The following UNC13C variants were observed in gnomAD, a reference collection of about 807,000 sequenced individuals.
UNC13C encodes the protein unc-13 homolog C.
In UNC13C, 174 loss-of-function variants were observed where a neutral mutation model predicts 245.4. The ratio of observed to expected loss-of-function variants is 0.71; its 90% CI spans 0.63 to 0.80. The LOEUF (loss-of-function observed/expected upper bound fraction) is 0.80, where lower values mean the gene tolerates loss of function less well. Ranked by LOEUF, UNC13C falls within the 30% of genes least tolerant of loss-of-function variation. The probability of loss-of-function intolerance (pLI) is 0.00; values close to 1 mark genes in which losing one functional copy is unlikely to be tolerated. For synonymous variants in UNC13C, 992 were observed against 895.1 expected (o/e 1.11, Z -1.93); for missense variants, 2,829 against 2,602.9 (o/e 1.09, Z -1.89).
intron 8 of UNC13C, among the ~76,000 whole-genome samples, chr15:54,260,757 G>A (rs574578902): frequency 9.4e-5 from 14 of 148,192 alleles, no homozygotes; most frequent in Non-Finnish European, 1.8e-4. Context: ...ATAAAGTTAC[G>A]TATATAACAA....
rs1057219083 is a variant in UNC13C at position 54,108,642 on chromosome 15, T to C, written c.2984-34376T>C. On this transcript the variant is annotated intron_variant, in intron 2 of 32. Transcript: ENST00000260323. ...TTTTATTTTTCCCATAGCACATAGA[T>C]TTACCTCCAGTGCTAGATAAGGACC... Among the ~76,000 whole-genome samples the C allele has an allele frequency of 5.0e-4, 76 of 152,300 alleles. 1 individual carries two copies. The highest frequency in any genetic ancestry group is 1.7e-3 in the African/African-American group (70 of 41,560).
chr15:54,238,605 C>T (rs1465879756), intron 7 of UNC13C, among the ~76,000 whole-genome samples: 3 of 152,194 alleles, frequency 2.0e-5, no homozygotes, highest in African/African-American at 4.8e-5. Context: ...ATAAGCAATA[C>T]ATACAAGCTT....
intron 19 of UNC13C, among the ~76,000 whole-genome samples, chr15:54,455,524 T>C (rs1183159923): frequency 2.0e-5 from 2 of 99,286 alleles, no homozygotes; most frequent in Non-Finnish European, 3.8e-5. Context: ...CAACATCTGC[T>C]TTTTTTTTTT....
At chr15:54,049,749 AAAG>A (rs1406929501) in intron 2 of UNC13C, 1 of 249,374 alleles carries the variant, frequency 4.0e-6, no homozygotes, top group Non-Finnish European at 8.1e-6. Flanking sequence ...ACGTAAGTGT[AAAG>A]TATGAAATAA....
intron 2 of UNC13C, among the ~76,000 whole-genome samples, chr15:54,032,609 C>A (rs1479518996): frequency 6.6e-6 from 1 of 152,140 alleles, no homozygotes; most frequent in African/African-American, 2.4e-5. Flanking sequence ...TCCAGGTTTT[C>A]TAGGCTGGAA....
At chr15:54,442,886 TG>T (rs1890608171) in intron 19 of UNC13C, among the ~76,000 whole-genome samples, 1 of 152,088 alleles carries the variant, frequency 6.6e-6, no homozygotes, top group African/African-American at 2.4e-5. Flanking sequence ...TTTTTGTTGT[TG>T]TGTCCTTTTC....
At chr15:53,902,054 T>C in the UNC13C span, among the ~76,000 whole-genome samples, 1 of 152,268 alleles carries the variant, frequency 6.6e-6, no homozygotes, top group East Asian at 1.9e-4. Context: ...CCTCTCCATA[T>C]ATCCTTTAAG....
intron 18 of UNC13C, among the ~76,000 whole-genome samples, chr15:54,398,390 G>A (rs1378437576): frequency 6.6e-6 from 1 of 151,078 alleles, no homozygotes; most frequent in South Asian, 2.1e-4. Flanking sequence ...GTGTTTATGA[G>A]GATATTGCTC....
the UNC13C span, chr15:53,911,631 G>A: frequency 1.3e-5 from 2 of 152,186 alleles, no homozygotes; most frequent in Non-Finnish European, 2.9e-5. Flanking sequence ...CTGTGCCAAC[G>A]GTTAACACAA....
the UNC13C span, among the ~76,000 whole-genome samples, chr15:53,940,236 G>A: frequency 6.6e-6 from 1 of 152,054 alleles, no homozygotes; most frequent in African/African-American, 2.4e-5. Flanking sequence ...ATACCAAGAA[G>A]TTTTTGGGGT....
Position 54,014,813 on chromosome 15 carries a change from C to T in UNC13C, c.1910C>T (p.Ser637Phe). The change falls in exon 2 of 33, where the codon TCT (serine) becomes TTT (phenylalanine). Residue 637 changes from serine (S) to phenylalanine (F), a missense_variant. Physicochemically the swap from Ser to Phe is radical, Grantham distance 155. Coordinates refer to ENST00000260323, the MANE Select transcript of UNC13C (RefSeq NM_001080534.3). ...SGMSNGMVCA[S>F]GDRSHYSDSQ... ...ATGAGTAATGGCATGGTGTGTGCAT[C>T]TGGAGACCGGAGTCATTACAGTGAT... The T allele has an allele frequency of 6.2e-7, 1 of 1,613,836 alleles. No individual in the cohort carries two copies. Among genetic ancestry groups the T allele is most frequent in the Non-Finnish European group, 8.5e-7 (1 of 1,179,824 alleles).
chr15:54,238,841 G>C (rs936172094), intron 7 of UNC13C, among the ~76,000 whole-genome samples: 1 of 152,152 alleles, frequency 6.6e-6, no homozygotes, highest in African/African-American at 2.4e-5. Context: ...TAATTATTTA[G>C]GTCAGGGATT....
intron 19 of UNC13C, among the ~76,000 whole-genome samples, chr15:54,461,301 A>G (rs773305415): frequency 4.6e-5 from 7 of 152,188 alleles, no homozygotes; most frequent in Non-Finnish European, 8.8e-5. Flanking sequence ...AATATTTAGA[A>G]TTTGGATTTT....
intron 10 of UNC13C, among the ~76,000 whole-genome samples, chr15:54,280,113 A>G (rs950532468): frequency 2.0e-5 from 3 of 152,116 alleles, no homozygotes; most frequent in African/African-American, 7.2e-5. Context: ...TTTGACTAAC[A>G]TATTTTCACA....
At chr15:54,540,183 G>A (rs1044686570) in intron 26 of UNC13C, among the ~76,000 whole-genome samples, 4 of 152,004 alleles carry the variant, frequency 2.6e-5, no homozygotes, top group Non-Finnish European at 5.9e-5. Flanking sequence ...AACGTAAGAT[G>A]TAAAGTGATA....
Position 54,028,990 on chromosome 15 carries a change from C to T in UNC13C, c.2983+13104C>T, listed in dbSNP as rs77875810. ...CAGTAGGGAGGCAACCTACCTAAAA[C>T]GCACAGACTTCTTTTGATTTTAAAC... On this transcript the variant is annotated intron_variant, in intron 2 of 32. Transcript: ENST00000260323. 1.6e-3 allele frequency among the ~76,000 whole-genome samples: 245 copies of T among 152,210 alleles called. 2 individuals carry two copies. The highest frequency in any genetic ancestry group is 8.3e-3 in the East Asian group (43 of 5,184).
At chr15:54,060,030 G>A (rs1410398770) in intron 2 of UNC13C, among the ~76,000 whole-genome samples, 3 of 152,114 alleles carry the variant, frequency 2.0e-5, no homozygotes, top group Non-Finnish European at 4.4e-5. Flanking sequence ...GAAAACCTAG[G>A]CAATACCATT....
chr15:54,062,525 T>G (rs1333976034), intron 2 of UNC13C, among the ~76,000 whole-genome samples: 1 of 152,182 alleles, frequency 6.6e-6, no homozygotes, highest in East Asian at 1.9e-4. Context: ...AAACTGGTCC[T>G]AAACATGTGG....
intron 14 of UNC13C, among the ~76,000 whole-genome samples, chr15:54,329,762 G>A (rs2038391412): frequency 6.6e-6 from 1 of 152,082 alleles, no homozygotes; most frequent in South Asian, 2.1e-4. Flanking sequence ...AAGCCCAGCA[G>A]TTTTCTTCAC....
Sources: gnomAD v4.1 joint callset for allele counts (sites outside exome capture counted in the v4.1 genomes callset) on GRCh38, gnomAD v4.1.1 for gene constraint, MANE v1.5 for transcripts, NCBI Gene and HGNC (gene_info 2026-07-23, HGNC 2026-07-21) for gene names.